The following GTF3C4 variants were observed in gnomAD, a reference collection of about 807,000 sequenced individuals.
The protein encoded by GTF3C4 is general transcription factor 3C polypeptide 4.
A neutral mutation model predicts 67.5 loss-of-function variants in GTF3C4; 28 were observed. That is an observed-to-expected ratio of 0.41 (90% CI 0.31 to 0.57). GTF3C4 has a LOEUF of 0.57. Ranked by LOEUF, GTF3C4 falls within the 20% of genes least tolerant of loss-of-function variation. GTF3C4 has a pLI of 0.21. For synonymous variants in GTF3C4, 409 were observed against 393.0 expected (o/e 1.04, Z -0.48); for missense variants, 831 against 1,033.2 (o/e 0.80, Z 2.68).
At chr9:132,671,295 C>T (rs1393113502) in intron 1 of GTF3C4, among the ~76,000 whole-genome samples, 1 of 152,118 alleles carries the variant, frequency 6.6e-6, no homozygotes, top group Non-Finnish European at 1.5e-5. Flanking sequence ...TGAGACTCCA[C>T]CCCCTGTAGA....
chr9:132,672,818 G>GT (rs1441105347), intron 1 of GTF3C4, among the ~76,000 whole-genome samples: 3 of 152,294 alleles, frequency 2.0e-5, no homozygotes, highest in East Asian at 3.9e-4. Flanking sequence ...CGTTGTTTAG[G>GT]TTTTTTGGAA....
upstream of GTF3C4, chr9:132,670,227 T>C (rs778299724): frequency 3.3e-6 from 5 of 1,537,534 alleles, no homozygotes; most frequent in African/African-American, 6.9e-5. Flanking sequence ...TGAATGCCTC[T>C]GAGAAGCGAG....
rs1175537334 is a variant in GTF3C4, at chr9:132,677,970, T to C, written c.358-7T>C. On this transcript the variant is annotated splice_region_variant and splice_polypyrimidine_tract_variant and intron_variant, in intron 1 of 4. Coordinates refer to ENST00000372146, the MANE Select transcript of GTF3C4 (RefSeq NM_012204.4). The stretch of plus-strand genomic sequence containing the variant: ...CATCTGATAGTTTTTATATCTCTTA[T>C]TTTCAGGTTGGCTCAAAAACAGAAG... 6.3e-7 allele frequency: 1 copy of C among 1,581,034 alleles called. No individual in the cohort carries two copies. Among genetic ancestry groups the C allele is most frequent in the Non-Finnish European group, 8.6e-7 (1 of 1,166,570 alleles).
rs1178362880 is a variant in GTF3C4, at chr9:132,670,716, G to A, written c.118G>A (p.Ala40Thr). 16 of 1,527,760 alleles carry A rather than the reference G, an allele frequency of 1.0e-5. No individual in the cohort carries two copies. In the South Asian group the frequency reaches 1.8e-4, roughly 17 times the overall value. The allele number at this position is 1,527,760 out of a possible 1,614,324, so 94.6% of individuals were successfully genotyped here. ...AGGKEPAADA[A>T]PGPSAAFRLM... The stretch of plus-strand genomic sequence containing the variant: ...CGGGAAGGAGCCAGCAGCGGACGCG[G>A]CCCCGGGGCCCAGCGCTGCATTCCG... The change falls in exon 1 of 5, where the codon GCC becomes ACC. Residue 40 changes from alanine to threonine, a missense_variant. Coordinates refer to ENST00000372146, the MANE Select transcript of GTF3C4 (RefSeq NM_012204.4).
At chr9:132,670,126 G>C, upstream of GTF3C4, 1 of 1,582,114 alleles carries the variant, frequency 6.3e-7, no homozygotes, top group Non-Finnish European at 8.6e-7. Flanking sequence ...AGACTACCGC[G>C]CGTGCCCCCG....
At chr9:132,671,405 G>T (rs530459258) in intron 1 of GTF3C4, among the ~76,000 whole-genome samples, 1 of 152,124 alleles carries the variant, frequency 6.6e-6, no homozygotes, top group Non-Finnish European at 1.5e-5. Context: ...CTCCTCTCGC[G>T]CCTCTTTAGC....
intron 3 of GTF3C4, among the ~76,000 whole-genome samples, chr9:132,683,944 A>C (rs1350615819): frequency 2.0e-5 from 3 of 152,150 alleles, no homozygotes; most frequent in Non-Finnish European, 2.9e-5. Flanking sequence ...TCATTTTCCT[A>C]ATTGAACAAA....
chr9:132,684,199 G>T (rs1437804624), intron 3 of GTF3C4, among the ~76,000 whole-genome samples: 1 of 152,130 alleles, frequency 6.6e-6, no homozygotes, highest in Non-Finnish European at 1.5e-5. Context: ...TCCCTGGGTG[G>T]TTGCTTATCA....
intron 1 of GTF3C4, among the ~76,000 whole-genome samples, chr9:132,677,323 A>G (rs1317993657): frequency 6.6e-6 from 1 of 151,988 alleles, no homozygotes; most frequent in Non-Finnish European, 1.5e-5. Context: ...AATCACTTGA[A>G]CCCTGGAGGT....
In GTF3C4 at chr9:132,679,503, C is replaced by T. The variant is rs772744043; in HGVS notation, c.1884C>T (p.Ser628=). The T allele has an allele frequency of 1.2e-6, 2 of 1,613,944 alleles. No individual in the cohort carries two copies. Among genetic ancestry groups the T allele is most frequent in the South Asian group, 1.1e-5 (1 of 91,082 alleles). ...DDEQQEEGTS[S]KQVVKQGLQE... is the part of the protein sequence containing the mutation. Reference sequence around the variant, plus strand: ...AACAGCAGGAAGAAGGCACTTCTTCCAAACAGGTGGTGAAGCAAGGCCTGC... The same window carrying T: ...AACAGCAGGAAGAAGGCACTTCTTCTAAACAGGTGGTGAAGCAAGGCCTGC... The change falls in exon 2 of 5, where the codon TCC becomes TCT. Residue 628 remains serine (S), a synonymous_variant. Coordinates refer to ENST00000372146, the MANE Select transcript of GTF3C4 (RefSeq NM_012204.4). This position sits in a 1 kb window ranked among gnomAD's most constrained non-coding sequence, Gnocchi z 5.9.
chr9:132,678,759 T>C lies in GTF3C4; in HGVS notation c.1140T>C (p.Tyr380=), dbSNP rs1461488100. Residue 380 remains tyrosine, a synonymous_variant, in exon 2 of 5, where the codon TAT becomes TAC. Transcript: ENST00000372146. This position sits in a 1 kb window ranked among gnomAD's most constrained non-coding sequence, Gnocchi z 6.5. ...ACAGTATCAAATGTGTGCCACTTTA[T>C]CATCCTTACCAGAAGTGTAGTTGCA... ...PVHSIKCVPL[Y]HPYQKCSCSL... is the part of the protein sequence containing the mutation. 2 of 1,614,120 alleles carry C rather than the reference T, an allele frequency of 1.2e-6. No homozygotes were observed.
rs1009615530 is a variant in GTF3C4 at position 132,691,496 on chromosome 9, T to G, written c.*2551T>G. On this transcript the variant is annotated 3_prime_UTR_variant, in exon 5 of 5. Transcript: ENST00000372146. ...GTGGAAGTGCTATTGCCGCGCTGCATGTAAAGCACAGGAGCAAAGATTCGA... is the reference window on the plus strand; with the variant it reads ...GTGGAAGTGCTATTGCCGCGCTGCAGGTAAAGCACAGGAGCAAAGATTCGA... 1 of 152,242 alleles carries G rather than the reference T, an allele frequency of 6.6e-6. No homozygotes were observed. Among genetic ancestry groups the G allele is most frequent in the African/African-American group, 2.4e-5 (1 of 41,468 alleles). 9.4% of individuals were successfully genotyped at this position (152,242 alleles called of 1,614,324 possible). A position where few individuals can be genotyped will look rare whatever the true frequency, so the allele number is the denominator to read the frequency against.
intron 1 of GTF3C4, among the ~76,000 whole-genome samples, chr9:132,675,785 C>G (rs557980741): frequency 6.6e-6 from 1 of 151,382 alleles, no homozygotes; most frequent in South Asian, 2.1e-4. Flanking sequence ...AAAGTTAGTT[C>G]TCTATTTTGT....
intron 1 of GTF3C4, 38 bp downstream of exon 1, chr9:132,670,993 T>TC (rs1835728793): frequency 1.4e-6 from 2 of 1,400,856 alleles, no homozygotes. Context: ...TCTTCCCCTG[T>TC]CCCCCTCTCG....
chr9:132,683,634 G>C lies in GTF3C4; in HGVS notation c.2256G>C (p.Glu752Asp). Residue 752 changes from glutamate (E) to aspartate (D), a missense_variant, in exon 3 of 5, where the codon GAG (glutamate) becomes GAC (aspartate). By Grantham distance (45) the Glu-to-Asp change is conservative. This residue lies in a region of GTF3C4 where 129 missense variants were observed against 213.8 expected (regional missense o/e 0.60). Coordinates refer to ENST00000372146, the MANE Select transcript of GTF3C4 (RefSeq NM_012204.4). ...TFPEHCSLCKEILPFTDRKQA... is the reference protein window; with the variant it reads ...TFPEHCSLCKDILPFTDRKQA... ...CTGAGCACTGTAGTTTGTGTAAAGA[G>C]ATCTTGCCATTCACAGATCGCAAAC... The C allele has an allele frequency of 6.2e-7, 1 of 1,613,410 alleles. No individual in the cohort carries two copies. Among genetic ancestry groups the C allele is most frequent in the South Asian group, 1.1e-5 (1 of 90,834 alleles).
upstream of GTF3C4, chr9:132,670,207 G>A: frequency 6.4e-7 from 1 of 1,568,882 alleles, no homozygotes; most frequent in Non-Finnish European, 8.7e-7. Flanking sequence ...TTCACGCTGG[G>A]GAAGCTCTCT....
chr9:132,684,253 C>T (rs1483926402), intron 3 of GTF3C4, among the ~76,000 whole-genome samples: 2 of 152,156 alleles, frequency 1.3e-5, no homozygotes, highest in Non-Finnish European at 2.9e-5. Context: ...GCCTGTATCT[C>T]TCCCCCTAAG....
At chr9:132,671,616 G>C (rs950080271) in intron 1 of GTF3C4, among the ~76,000 whole-genome samples, 1 of 152,206 alleles carries the variant, frequency 6.6e-6, no homozygotes, top group African/African-American at 2.4e-5. Flanking sequence ...TAAACTTCAA[G>C]CGCAAGGTCA....
At chr9:132,671,412 T>C (rs965637309) in intron 1 of GTF3C4, among the ~76,000 whole-genome samples, 1 of 152,222 alleles carries the variant, frequency 6.6e-6, no homozygotes, top group East Asian at 1.9e-4. Flanking sequence ...CGCGCCTCTT[T>C]AGCTTCAGAA....
Sources: allele counts gnomAD v4.1 joint callset (sites outside exome capture counted in the v4.1 genomes callset), GRCh38; gene constraint gnomAD v4.1.1; regional missense constraint gnomAD v4.1.1; non-coding constraint Gnocchi (gnomAD v3.1); transcripts MANE v1.5; gene names NCBI Gene and HGNC (gene_info 2026-07-23, HGNC 2026-07-21).